The following PRKG1 variants were observed in gnomAD, a reference collection of about 807,000 sequenced individuals.
PRKG1 encodes cGMP-dependent protein kinase 1.
A neutral mutation model predicts 88.1 loss-of-function variants in PRKG1; 35 were observed. That is an observed-to-expected ratio of 0.40 (90% CI 0.30 to 0.53). The LOEUF (loss-of-function observed/expected upper bound fraction) is 0.53. Ranked by LOEUF, PRKG1 falls within the 20% of genes least tolerant of loss-of-function variation. PRKG1 has a pLI of 0.59. For missense variants in PRKG1, 540 were observed against 839.8 expected (o/e 0.64, Z 4.41); for synonymous variants, 303 against 292.5 (o/e 1.04, Z -0.37).
chr10:51,738,585 A>T (rs973301199), intron 3 of PRKG1, among the ~76,000 whole-genome samples: 4 of 152,110 alleles, frequency 2.6e-5, no homozygotes, highest in Non-Finnish European at 5.9e-5. Flanking sequence ...AGGGAATGGG[A>T]GGTAGATAGG....
chr10:51,104,651 C>T (rs1201805681), intron 1 of PRKG1, among the ~76,000 whole-genome samples: 1 of 151,822 alleles, frequency 6.6e-6, no homozygotes, highest in Non-Finnish European at 1.5e-5. Context: ...TCTGGAGTAG[C>T]TGTGATTACA....
intron 3 of PRKG1, among the ~76,000 whole-genome samples, chr10:51,543,829 A>G (rs1333574361): frequency 6.6e-6 from 1 of 152,234 alleles, no homozygotes; most frequent in Non-Finnish European, 1.5e-5. Flanking sequence ...CCTTCAAATC[A>G]AAGCTGACAG....
At chr10:51,058,338 A>G (rs571467921) in intron 1 of PRKG1, among the ~76,000 whole-genome samples, 1 of 152,188 alleles carries the variant, frequency 6.6e-6, no homozygotes, top group Admixed American at 6.5e-5. Flanking sequence ...ATTTTTTCAA[A>G]TAGACTTAAT....
At chr10:51,272,705 T>C (rs1340090819) in intron 2 of PRKG1, among the ~76,000 whole-genome samples, 1 of 152,152 alleles carries the variant, frequency 6.6e-6, no homozygotes, top group Non-Finnish European at 1.5e-5. Context: ...AGGAAATTTG[T>C]CTTAGTCTTG....
chr10:52,012,259 T>TTTTTTTG (rs1844906702), intron 5 of PRKG1, among the ~76,000 whole-genome samples: 1 of 137,842 alleles, frequency 7.3e-6, no homozygotes, highest in African/African-American at 2.7e-5. Flanking sequence ...TTTTTTTTTT[T>TTTTTTTG]GAGACAGGGT....
chr10:51,285,605 C>G (rs73331924), intron 2 of PRKG1, among the ~76,000 whole-genome samples: 1,848 of 152,226 alleles, frequency 0.012, 34 homozygotes, highest in African/African-American at 0.041. Flanking sequence ...TTCTGTCCTG[C>G]AATGAGTGAG....
At chr10:51,941,886 C>T (rs1228021349) in intron 5 of PRKG1, among the ~76,000 whole-genome samples, 1 of 151,872 alleles carries the variant, frequency 6.6e-6, no homozygotes, top group Non-Finnish European at 1.5e-5. Context: ...CAAGTCTTTG[C>T]TATTGTGAAT....
chr10:51,737,337 G>C (rs1281335347), intron 3 of PRKG1, among the ~76,000 whole-genome samples: 1 of 152,194 alleles, frequency 6.6e-6, no homozygotes, highest in Non-Finnish European at 1.5e-5. Context: ...TAAAGAGCGT[G>C]TCTCTGCTTC....
In PRKG1 at chr10:52,039,021, G is replaced by A. The variant is rs1392630427; in HGVS notation, c.763-15463G>A. Among the ~76,000 whole-genome samples, 36 of 152,310 alleles carry A rather than the reference G, an allele frequency of 2.4e-4. 1 individual carries two copies. The highest frequency in any genetic ancestry group is 2.2e-3 in the Admixed American group (33 of 15,292). ...CTGGTCAGTCTGAGGACCTGAGGTC[G>A]TAGGTGGATCTTTCTCGTGGAGCAA... On this transcript the variant is annotated intron_variant, in intron 5 of 17. Coordinates refer to ENST00000373980, the MANE Select transcript of PRKG1 (RefSeq NM_006258.4).
At chr10:52,155,732 G>GACACACACACACAT (rs1554811015) in intron 8 of PRKG1, among the ~76,000 whole-genome samples, 3 of 147,894 alleles carry the variant, frequency 2.0e-5, no homozygotes, top group Non-Finnish European at 4.5e-5. Context: ...ATTGCCATTG[G>GACACACACACACAT]ACACACACAC....
At chr10:51,686,342 T>C (rs1238940140) in intron 3 of PRKG1, among the ~76,000 whole-genome samples, 2 of 152,062 alleles carry the variant, frequency 1.3e-5, no homozygotes. Context: ...GTTCCTCTCT[T>C]AGTATGCATG....
At position 51,580,340 on chromosome 10, in the gene PRKG1, C is replaced by T. The variant is rs569691048; in HGVS notation, c.592+112504C>T. On this transcript the variant is annotated intron_variant, in intron 3 of 17. Transcript: ENST00000373980. ...ACCCAAATTTTGTTATTACAAACAA[C>T]ATTACAATTATTATTCTTGCATGGG... is the stretch of plus-strand genomic sequence containing the variant. Among the ~76,000 whole-genome samples the T allele has an allele frequency of 6.6e-5, 10 of 152,188 alleles. No homozygotes were observed. The East Asian group carries it at 1.7e-3, about 26-fold the overall frequency.
At chr10:51,049,526 C>T (rs1052135906) in intron 1 of PRKG1, among the ~76,000 whole-genome samples, 37 of 152,174 alleles carry the variant, frequency 2.4e-4, no homozygotes, top group African/African-American at 8.2e-4. Context: ...ACACTTTTCT[C>T]CTGTATAGCT....
chr10:52,019,310 G>C (rs1176241507), intron 5 of PRKG1, among the ~76,000 whole-genome samples: 2 of 152,136 alleles, frequency 1.3e-5, no homozygotes, highest in Non-Finnish European at 2.9e-5. Context: ...AACTATAGCA[G>C]GATCCTACCC....
rs79069509 is a variant in PRKG1, at chr10:52,095,084, A to G, written c.935+32453A>G. Among the ~76,000 whole-genome samples the G allele has an allele frequency of 9.0e-4, 137 of 152,148 alleles. 1 individual carries two copies. In the East Asian group the frequency reaches 0.021, roughly 24 times the overall value. On this transcript the variant is annotated intron_variant, in intron 7 of 17. Coordinates refer to ENST00000373980, the MANE Select transcript of PRKG1 (RefSeq NM_006258.4). ...CTCTAAGCCACCTGCCAGGCCCCAC[A>G]CTATCTGCACCTCTGCCCCTGCACC...
intron 4 of PRKG1, among the ~76,000 whole-genome samples, chr10:51,834,891 C>A (rs990382746): frequency 6.6e-6 from 1 of 151,876 alleles, no homozygotes; most frequent in African/African-American, 2.4e-5. Context: ...AGTCTTGGGG[C>A]CTCCAGAAAC....
intron 2 of PRKG1, among the ~76,000 whole-genome samples, chr10:51,405,379 G>A (rs1837880554): frequency 6.6e-6 from 1 of 152,138 alleles, no homozygotes; most frequent in South Asian, 2.1e-4. Flanking sequence ...TTTGAAAGAA[G>A]TCTTCACATC....
At chr10:51,517,272 C>G (rs1039712596) in intron 3 of PRKG1, among the ~76,000 whole-genome samples, 3 of 152,152 alleles carry the variant, frequency 2.0e-5, no homozygotes, top group African/African-American at 7.2e-5. Context: ...GAGCAGTAAA[C>G]TGGGAAAAAT....
intron 4 of PRKG1, among the ~76,000 whole-genome samples, chr10:51,817,900 A>G (rs1344281379): frequency 6.6e-6 from 1 of 152,118 alleles, no homozygotes; most frequent in Non-Finnish European, 1.5e-5. Flanking sequence ...ATTCATATGT[A>G]TAAGTGTAGT....
Sources: gnomAD v4.1 joint callset for allele counts (sites outside exome capture counted in the v4.1 genomes callset) on GRCh38, gnomAD v4.1.1 for gene constraint, MANE v1.5 for transcripts, NCBI Gene and HGNC (gene_info 2026-07-23, HGNC 2026-07-21) for gene names.